Variants in ROS1 observed in about 807,000 individuals in gnomAD.
The protein encoded by ROS1 is ROS proto-oncogene 1, receptor tyrosine kinase.
ROS1 carries 263 observed loss-of-function variants against 273.5 expected under a neutral mutation model. The ratio of observed to expected loss-of-function variants is 0.96; its 90% CI spans 0.87 to 1.06. The LOEUF (loss-of-function observed/expected upper bound fraction) is 1.06. ROS1 is among the 50% of genes least tolerant of loss of function. The probability of loss-of-function intolerance (pLI) is 0.00; values close to 1 mark genes in which losing one functional copy is unlikely to be tolerated. For synonymous variants in ROS1, 1,008 were observed against 954.1 expected, an observed-to-expected ratio of 1.06 and a Z score of -1.04; for missense variants, 2,833 against 2,751.1, an observed-to-expected ratio of 1.03 and a Z score of -0.67.
chr6:117,398,150 T>C (rs1773647442), intron 7 of ROS1, among the ~76,000 whole-genome samples: 1 of 152,130 alleles, frequency 6.6e-6, no homozygotes. Context: ...TGAATTATAA[T>C]ATAATTAGAA....
intron 2 of ROS1, among the ~76,000 whole-genome samples, chr6:117,417,890 C>T (rs1280688406): frequency 1.3e-5 from 2 of 152,208 alleles, no homozygotes; most frequent in African/African-American, 4.8e-5. Flanking sequence ...TCTCTTTTCA[C>T]TCCTCACACA....
At chr6:117,348,720 A>G (rs1582696355) in intron 27 of ROS1, among the ~76,000 whole-genome samples, 2 of 151,984 alleles carry the variant, frequency 1.3e-5, no homozygotes, top group South Asian at 4.1e-4. Context: ...TTTTTAATAC[A>G]TGCAGTCAGT....
In ROS1 at chr6:117,389,576, G is replaced by A. The variant is rs760417047; in HGVS notation, c.1560C>T (p.Val520=). Residue 520 remains valine, a synonymous_variant, in exon 13 of 44, where the codon GTC becomes GTT. Coordinates refer to ENST00000368507, the MANE Select transcript of ROS1 (RefSeq NM_001378902.1). ...SFACENNDFL[V]TDGKVIFQQD... is the part of the protein sequence containing the mutation. ...GTTGGAAAATGACCTTGCCATCTGT[G>A]ACAAGAAAGTCATTGTTTTCACAAG... The A allele has an allele frequency of 6.2e-7, 1 of 1,614,152 alleles. No individual in the cohort carries two copies. Among genetic ancestry groups the A allele is most frequent in the Non-Finnish European group, 8.5e-7 (1 of 1,180,020 alleles).
intron 42 of ROS1, among the ~76,000 whole-genome samples, chr6:117,308,359 A>G (rs1775269176): frequency 6.6e-6 from 1 of 152,130 alleles, no homozygotes; most frequent in Non-Finnish European, 1.5e-5. Context: ...AGCTATATCA[A>G]CAAAGGGAAT....
intron 18 of ROS1, among the ~76,000 whole-genome samples, chr6:117,372,445 G>A (rs1046157015): frequency 3.9e-5 from 6 of 152,152 alleles, no homozygotes; most frequent in Non-Finnish European, 5.9e-5. Flanking sequence ...CACTGTTTCC[G>A]GAACTGGTGG....
intron 32 of ROS1, 148 bp downstream of exon 32, chr6:117,337,024 T>G: frequency 1.5e-6 from 1 of 678,508 alleles, no homozygotes; most frequent in Non-Finnish European, 2.4e-6. Flanking sequence ...GTCTCCTATA[T>G]TTTCTGAATT....
At position 117,389,813 on chromosome 6, in the gene ROS1, A is replaced by G; in HGVS notation, c.1323T>C (p.Tyr441=). 1.2e-6 allele frequency: 2 copies of G among 1,610,904 alleles called. No homozygotes were observed. Among genetic ancestry groups the G allele is most frequent in the Non-Finnish European group, 8.5e-7 (1 of 1,177,270 alleles). The change falls in exon 13 of 44, where the codon TAT becomes TAC. Residue 441 remains tyrosine (Y), a synonymous_variant. Transcript: ENST00000368507. The stretch of plus-strand genomic sequence containing the variant: ...CAGATGGTACAGGAAGGTCTGCTCT[A>G]TAAATGCCATCTCTCAGGAGGTAAA... ...YVFYLLRDGI[Y]RADLPVPSGR...
chr6:117,409,984 T>C (rs1774772738), intron 4 of ROS1, among the ~76,000 whole-genome samples: 1 of 152,230 alleles, frequency 6.6e-6, no homozygotes, highest in Non-Finnish European at 1.5e-5. Flanking sequence ...AGAAGTTTTA[T>C]TGAAATATAT....
At position 117,387,779 on chromosome 6, in the gene ROS1, C is replaced by G. The variant is rs573272485; in HGVS notation, c.1999+1G>C. The G allele has an allele frequency of 6.2e-7, 1 of 1,610,322 alleles. No individual in the cohort carries two copies. The highest frequency in any genetic ancestry group is 1.1e-5 in the South Asian group (1 of 90,310). On this transcript the variant is annotated splice_donor_variant, in intron 14 of 43. Coordinates refer to ENST00000368507, the MANE Select transcript of ROS1 (RefSeq NM_001378902.1). LOFTEE classifies it high-confidence loss of function. Reference sequence around the variant, plus strand: ...TCCCTAAATCCAGAACATTTTCTCACCTGGCACCAGGGTAGTACCCACTGA... The same window carrying G: ...TCCCTAAATCCAGAACATTTTCTCAGCTGGCACCAGGGTAGTACCCACTGA...
intron 35 of ROS1, 80 bp from the exon 36 acceptor site, chr6:117,321,474 G>C (rs1776288414): frequency 7.8e-7 from 1 of 1,278,880 alleles, no homozygotes; most frequent in Non-Finnish European, 1.1e-6. Flanking sequence ...CAGTGCATTT[G>C]AAGTGTTTTT....
rs375890337 is a variant in ROS1, at chr6:117,386,844, G to A, written c.2110+45C>T. ...CATTGAATGATGTGGGAAGTCTTAT[G>A]AGTAGAAATCTGTCATTCAAGTGAA... On this transcript the variant is annotated intron_variant, in intron 15 of 43. Coordinates refer to ENST00000368507, the MANE Select transcript of ROS1 (RefSeq NM_001378902.1). The A allele has an allele frequency of 5.2e-6, 5 of 966,142 alleles. No individual in the cohort carries two copies. In the African/African-American group the frequency reaches 6.5e-5, roughly 13 times the overall value. 59.8% of individuals were successfully genotyped at this position (966,142 alleles called of 1,614,324 possible).
At chr6:117,381,483 A>G (rs1054214607) in intron 17 of ROS1, among the ~76,000 whole-genome samples, 12 of 152,156 alleles carry the variant, frequency 7.9e-5, no homozygotes, top group Middle Eastern at 6.8e-3. Flanking sequence ...AAGTGAGAAC[A>G]TATAGTATTT....
In ROS1 at chr6:117,321,285, G is replaced by A. The variant is rs2128563278; in HGVS notation, c.5733C>T (p.Gly1911=). Residue 1911 remains glycine (G), a synonymous_variant, in exon 36 of 44, where the codon GGC becomes GGT. Transcript: ENST00000368507. The part of the protein sequence containing the change: ...AELRGLAAGV[G]LANACYAIHT... The stretch of plus-strand genomic sequence containing the variant: ...GTATTGCATAGCAGGCATTAGCCAG[G>A]CCTACTCCGGCTGCCAGACCTCGCA... The A allele has an allele frequency of 1.2e-6, 2 of 1,613,748 alleles. No homozygotes were observed. The highest frequency in any genetic ancestry group is 2.2e-5 in the South Asian group (2 of 91,058).
rs79101215 is a variant in ROS1, at chr6:117,295,828, A to G, written c.6715+5146T>C. Among the ~76,000 whole-genome samples, 482 of 152,340 alleles carry G rather than the reference A, an allele frequency of 3.2e-3. 2 individuals are homozygous for G. The highest frequency in any genetic ancestry group is 0.011 in the African/African-American group (451 of 41,582). ...CAAGTTAAAATGGCTTACATTGAAA[A>G]GACAGGCAAGACAAATGCTAGCAAG... is the stretch of plus-strand genomic sequence containing the variant. On this transcript the variant is annotated intron_variant, in intron 43 of 43. Coordinates refer to ENST00000368507, the MANE Select transcript of ROS1 (RefSeq NM_001378902.1).
Position 117,368,477 on chromosome 6 carries a change from G to A in ROS1, c.2583-2187C>T, listed in dbSNP as rs1217286230. 5.3e-5 allele frequency among the ~76,000 whole-genome samples: 8 copies of A among 152,204 alleles called. No homozygotes were observed. In the South Asian group the frequency reaches 1.5e-3, roughly 28 times the overall value. On this transcript the variant is annotated intron_variant, in intron 18 of 43. Transcript: ENST00000368507. ...CAATTCAATTACAATTCTCAAGTTCGGAATATGATGAGTGACAGCAATCAG... is the reference window on the plus strand; with the variant it reads ...CAATTCAATTACAATTCTCAAGTTCAGAATATGATGAGTGACAGCAATCAG...
intron 8 of ROS1, among the ~76,000 whole-genome samples, chr6:117,396,501 C>T (rs1388085508): frequency 6.6e-6 from 1 of 152,020 alleles, no homozygotes; most frequent in Non-Finnish European, 1.5e-5. Context: ...CTGCATGACC[C>T]CCATTCTTCT....
rs546822154 is a variant in ROS1 at position 117,349,135 on chromosome 6, A to AT, written c.4303+3854dup. 3.9e-3 allele frequency among the ~76,000 whole-genome samples: 587 copies of AT among 151,418 alleles called. 4 individuals are homozygous for AT. Among genetic ancestry groups the AT allele is most frequent in the Middle Eastern group, 0.027 (8 of 294 alleles). ...TGAGTTCATCAGTATATCCTTAGTGATTTTTTTTCTGCTGGATTTGCCCAT... is the reference window on the plus strand; with the variant it reads ...TGAGTTCATCAGTATATCCTTAGTGATTTTTTTTTCTGCTGGATTTGCCCAT... On this transcript the variant is annotated intron_variant, in intron 27 of 43. Transcript: ENST00000368507.
chr6:117,340,350 TAAG>T (rs1777829508), intron 31 of ROS1, among the ~76,000 whole-genome samples: 1 of 152,128 alleles, frequency 6.6e-6, no homozygotes. Context: ...AACTGCATTT[TAAG>T]AAGTAGTGAG....
intron 41 of ROS1, 61 bp downstream of exon 41, chr6:117,310,020 T>A (rs1359910209): frequency 1.4e-6 from 2 of 1,428,914 alleles, no homozygotes; most frequent in Non-Finnish European, 2.0e-6. Context: ...GATGTCCTTT[T>A]AAAATCCCCT....
Sources: gnomAD v4.1 joint callset for allele counts (sites outside exome capture counted in the v4.1 genomes callset) on GRCh38, gnomAD v4.1.1 for gene constraint, MANE v1.5 for transcripts, NCBI Gene and HGNC (gene_info 2026-07-23, HGNC 2026-07-21) for gene names.